LRRC20: variants seen among roughly 807,000 people sequenced by gnomAD.
The protein encoded by LRRC20 is leucine-rich repeat-containing protein 20.
In LRRC20, 11 loss-of-function variants were observed where a neutral mutation model predicts 14.4. The ratio of observed to expected loss-of-function variants is 0.77; its 90% CI spans 0.48 to 1.27. The LOEUF is 1.27. Ranked by LOEUF, LRRC20 falls within the 50% of genes most tolerant of loss-of-function variation. The probability of loss-of-function intolerance (pLI) is 0.00; values close to 1 mark genes in which losing one functional copy is unlikely to be tolerated. For synonymous variants in LRRC20, 121 were observed against 107.3 expected, an observed-to-expected ratio of 1.13 and a Z score of -0.79; for missense variants, 219 against 251.2, an observed-to-expected ratio of 0.87 and a Z score of 0.87.
chr10:70,321,240 T>C (rs1422967469), intron 4 of LRRC20, among the ~76,000 whole-genome samples: 1 of 152,222 alleles, frequency 6.6e-6, no homozygotes, highest in Non-Finnish European at 1.5e-5. Flanking sequence ...CCCAGTGAGG[T>C]GCTGCAGGAG....
At chr10:70,341,375 G>A (rs987442288) in intron 2 of LRRC20, among the ~76,000 whole-genome samples, 7 of 152,180 alleles carry the variant, frequency 4.6e-5, no homozygotes, top group Non-Finnish European at 4.4e-5. Flanking sequence ...ACAATGGCCC[G>A]AAAGCCAGAA....
chr10:70,323,881 C>G lies in LRRC20; in HGVS notation c.382G>C (p.Glu128Gln). The change falls in exon 4 of 5, where the codon GAG (glutamate) becomes CAG (glutamine). Residue 128 changes from glutamate to glutamine, a missense_variant. Physicochemically the swap from Glu to Gln is conservative, Grantham distance 29. Transcript: ENST00000446961. ...ALPALETINL[E>Q]ENEIVDVPVE... ...CACTCACCTACGATCTCGTTCTCCTCCAGGTTGATGGTCTCCAGCGCCGGC... is the reference window on the plus strand; with the variant it reads ...CACTCACCTACGATCTCGTTCTCCTGCAGGTTGATGGTCTCCAGCGCCGGC... The G allele has an allele frequency of 1.2e-6, 2 of 1,614,188 alleles. No individual in the cohort carries two copies. Among genetic ancestry groups the G allele is most frequent in the Non-Finnish European group, 1.7e-6 (2 of 1,180,026 alleles).
intron 3 of LRRC20, among the ~76,000 whole-genome samples, chr10:70,339,043 T>A (rs1001074237): frequency 2.0e-5 from 3 of 152,216 alleles, no homozygotes; most frequent in African/African-American, 4.8e-5. Flanking sequence ...GTGCTCTGTG[T>A]TTAACCATTT....
intron 3 of LRRC20, among the ~76,000 whole-genome samples, chr10:70,337,275 T>C (rs1842750329): frequency 6.6e-6 from 1 of 152,214 alleles, no homozygotes. Flanking sequence ...GGCTTTTCTA[T>C]TTGAAAGAGA....
chr10:70,360,955 TGGGA>T (rs1028249270), intron 2 of LRRC20, among the ~76,000 whole-genome samples: 1 of 150,048 alleles, frequency 6.7e-6, no homozygotes, highest in Non-Finnish European at 1.5e-5. Flanking sequence ...GAAGCTGAGG[TGGGA>T]GGACCACTTG....
At chr10:70,340,259 C>T (rs754708106) in intron 3 of LRRC20, among the ~76,000 whole-genome samples, 18 of 152,280 alleles carry the variant, frequency 1.2e-4, no homozygotes, top group Non-Finnish European at 2.2e-4. Context: ...TAACAACTCC[C>T]AGGGCCTCAG....
chr10:70,303,764 T>C (rs1465895509), intron 4 of LRRC20, among the ~76,000 whole-genome samples: 1 of 152,250 alleles, frequency 6.6e-6, no homozygotes, highest in East Asian at 1.9e-4. Flanking sequence ...GCCCCAGCTT[T>C]ACCACCTAAA....
Position 70,300,967 on chromosome 10 carries a change from T to C in LRRC20, c.*387A>G, listed in dbSNP as rs560667173. ...AACCCGCAGGGGCTCAGAAAATACC[T>C]GGCAATGCCCACCTGTGCCTGCTGA... On this transcript the variant is annotated 3_prime_UTR_variant, in exon 5 of 5. Coordinates refer to ENST00000446961, the MANE Select transcript of LRRC20 (RefSeq NM_001278212.2). 170 of 1,007,550 alleles carry C rather than the reference T, an allele frequency of 1.7e-4. 2 individuals carry two copies. In the South Asian group the frequency reaches 6.1e-3, roughly 36 times the overall value. 62.4% of individuals were successfully genotyped at this position (1,007,550 alleles called of 1,614,324 possible).
chr10:70,300,549 C>T lies in LRRC20; in HGVS notation c.*805G>A. ...ATCTAATCACTTTAGACAAGAGCTGCAGGTGTAACTGACTCTGCTGTTCTC... is the reference window on the plus strand; with the variant it reads ...ATCTAATCACTTTAGACAAGAGCTGTAGGTGTAACTGACTCTGCTGTTCTC... On this transcript the variant is annotated 3_prime_UTR_variant, in exon 5 of 5. Transcript: ENST00000446961. The T allele has an allele frequency of 4.1e-6, 4 of 985,542 alleles. No individual in the cohort carries two copies. Among genetic ancestry groups the T allele is most frequent in the Non-Finnish European group, 4.8e-6 (4 of 830,030 alleles). 61.0% of individuals were successfully genotyped at this position (985,542 alleles called of 1,614,324 possible). A position where few individuals can be genotyped will look rare whatever the true frequency, so the allele number is the denominator to read the frequency against.
At chr10:70,351,200 A>G (rs1843293078) in intron 2 of LRRC20, among the ~76,000 whole-genome samples, 1 of 150,680 alleles carries the variant, frequency 6.6e-6, no homozygotes. Flanking sequence ...AAAAAAAAAG[A>G]GACAATCATC....
chr10:70,315,988 G>A (rs191471400), intron 4 of LRRC20, among the ~76,000 whole-genome samples: 2 of 152,282 alleles, frequency 1.3e-5, no homozygotes, highest in East Asian at 3.9e-4. Flanking sequence ...CTTGGATAAG[G>A]CATCCTTGCA....
At chr10:70,355,974 T>G (rs774613058) in intron 2 of LRRC20, among the ~76,000 whole-genome samples, 1 of 152,160 alleles carries the variant, frequency 6.6e-6, no homozygotes, top group Non-Finnish European at 1.5e-5. Flanking sequence ...TAGGAAATAA[T>G]GTGCTACAGA....
At chr10:70,324,371 A>C (rs1842232947) in intron 3 of LRRC20, among the ~76,000 whole-genome samples, 1 of 152,138 alleles carries the variant, frequency 6.6e-6, no homozygotes, top group Non-Finnish European at 1.5e-5. Flanking sequence ...CCGGGCCCTG[A>C]CGGGGCAGGT....
chr10:70,323,656 G>T (rs1283261611), intron 4 of LRRC20, among the ~76,000 whole-genome samples: 2 of 152,222 alleles, frequency 1.3e-5, no homozygotes, highest in African/African-American at 4.8e-5. Flanking sequence ...CCGTCTACCT[G>T]CCAGGGAAAG....
In LRRC20 at chr10:70,343,883, G is replaced by A. The variant is rs572069484; in HGVS notation, c.83-3181C>T. Among the ~76,000 whole-genome samples the A allele has an allele frequency of 1.2e-4, 19 of 152,292 alleles. No individual in the cohort carries two copies. In the South Asian group the frequency reaches 3.9e-3, roughly 32 times the overall value. On this transcript the variant is annotated intron_variant, in intron 2 of 4. Coordinates refer to ENST00000446961, the MANE Select transcript of LRRC20 (RefSeq NM_001278212.2). ...AAAATAAGGATGTCTTTCATCACCA[G>A]TATCCCTAAATAGCATCATGAAAGT...
rs142668380 is a variant in LRRC20, at chr10:70,357,603, G to C, written c.83-16901C>G. Among the ~76,000 whole-genome samples, 1,506 of 152,240 alleles carry C rather than the reference G, an allele frequency of 9.9e-3. 22 individuals carry two copies. Among genetic ancestry groups the C allele is most frequent in the South Asian group, 0.056 (269 of 4,818 alleles). On this transcript the variant is annotated intron_variant, in intron 2 of 4. Transcript: ENST00000446961. ...CTCTGGATTGCATTTATTCTCACAAGCCCTGGACGAGGAGACAACCGCATG... is the reference window on the plus strand; with the variant it reads ...CTCTGGATTGCATTTATTCTCACAACCCCTGGACGAGGAGACAACCGCATG...
intron 2 of LRRC20, among the ~76,000 whole-genome samples, chr10:70,366,011 A>G (rs1451489136): frequency 6.8e-6 from 1 of 146,890 alleles, no homozygotes; most frequent in East Asian, 2.2e-4. Context: ...TAGAGCCTGC[A>G]GTGAGCCGAG....
intron 1 of LRRC20, among the ~76,000 whole-genome samples, chr10:70,379,940 G>A (rs1207424301): frequency 6.6e-6 from 1 of 152,134 alleles, no homozygotes; most frequent in African/African-American, 2.4e-5. Context: ...TTCGCAGTTC[G>A]CAATAGGGTT....
At chr10:70,357,703 T>A (rs945773824) in intron 2 of LRRC20, among the ~76,000 whole-genome samples, 5 of 152,172 alleles carry the variant, frequency 3.3e-5, no homozygotes, top group Non-Finnish European at 7.3e-5. Context: ...AAGAAGCCCA[T>A]ATTCAATTAA....
Sources: allele counts gnomAD v4.1 joint callset (sites outside exome capture counted in the v4.1 genomes callset), GRCh38; gene constraint gnomAD v4.1.1; transcripts MANE v1.5; gene names NCBI Gene and HGNC (gene_info 2026-07-23, HGNC 2026-07-21).